Variants in MSANTD4 observed in about 807,000 individuals in gnomAD.
The protein encoded by MSANTD4 is Myb/SANT DNA binding domain containing 4 with coiled-coils.
In MSANTD4, 13 loss-of-function variants were observed where a neutral mutation model predicts 34.3. The observed-to-expected ratio is 0.38, with a 90% CI of 0.25 to 0.60. The LOEUF is 0.60. Among genes scored for constraint, MSANTD4 ranks in the 20% least tolerant of loss-of-function variants. The pLI is 0.63. For missense variants in MSANTD4, 358 were observed against 401.8 expected (o/e 0.89, Z 0.93); for synonymous variants, 137 against 145.2 (o/e 0.94, Z 0.41).
chr11:106,014,954 G>A (rs570824035), intron 1 of MSANTD4, among the ~76,000 whole-genome samples: 1 of 152,028 alleles, frequency 6.6e-6, no homozygotes, highest in East Asian at 1.9e-4. Flanking sequence ...CAAAAGAAAA[G>A]AAGACTGCAA....
intron 1 of MSANTD4, among the ~76,000 whole-genome samples, chr11:106,011,970 C>T (rs1245627254): frequency 6.6e-6 from 1 of 151,780 alleles, no homozygotes; most frequent in Admixed American, 6.6e-5. Context: ...GTTAATAAAC[C>T]AACACAGAAA....
intron 1 of MSANTD4, among the ~76,000 whole-genome samples, chr11:106,015,311 G>A (rs558314416): frequency 6.6e-6 from 1 of 152,234 alleles, no homozygotes; most frequent in Non-Finnish European, 1.5e-5. Flanking sequence ...AATTTTATTT[G>A]TAAAATGATA....
chr11:106,018,446 C>CA (rs976516302), intron 1 of MSANTD4, among the ~76,000 whole-genome samples: 1 of 152,122 alleles, frequency 6.6e-6, no homozygotes, highest in Non-Finnish European at 1.5e-5. Flanking sequence ...CCAATTAAAA[C>CA]AATCTTTGGA....
In MSANTD4 at chr11:106,007,912, T is replaced by C. The variant is rs989712678; in HGVS notation, c.*1623A>G. On this transcript the variant is annotated 3_prime_UTR_variant, in exon 3 of 3. Coordinates refer to ENST00000301919, the MANE Select transcript of MSANTD4 (RefSeq NM_032424.3). The stretch of plus-strand genomic sequence containing the variant: ...TGAAATTACAAATTCTCAGATAGTA[T>C]AGGCAAATTTATTTCTATGGTAGAA... 3 of 152,656 alleles carry C rather than the reference T, an allele frequency of 2.0e-5. No individual in the cohort carries two copies. The highest frequency in any genetic ancestry group is 1.9e-4 in the East Asian group (1 of 5,198). 9.5% of individuals were successfully genotyped at this position (152,656 alleles called of 1,614,324 possible). A position where few individuals can be genotyped will look rare whatever the true frequency, so the allele number is the denominator to read the frequency against.
intron 1 of MSANTD4, among the ~76,000 whole-genome samples, chr11:106,020,263 G>T (rs1859988335): frequency 6.6e-6 from 1 of 152,164 alleles, no homozygotes; most frequent in African/African-American, 2.4e-5. Flanking sequence ...ATAAAAGAAA[G>T]AAGTATCAGG....
chr11:106,015,659 A>G (rs931575190), intron 1 of MSANTD4, among the ~76,000 whole-genome samples: 1 of 151,962 alleles, frequency 6.6e-6, no homozygotes, highest in African/African-American at 2.4e-5. Flanking sequence ...GGAGCTAAAA[A>G]TTGGCCAAGA....
At position 106,010,204 on chromosome 11, in the gene MSANTD4, G is replaced by GA. The variant is rs1373243479; in HGVS notation, c.463-95dup. On this transcript the variant is annotated intron_variant, in intron 2 of 2. Coordinates refer to ENST00000301919, the MANE Select transcript of MSANTD4 (RefSeq NM_032424.3). ...TTAAAAGCTTTCTGCGTCGTTTGGG[G>GA]AAAAATACTTAATTTGAATTTTGAA... 4.2e-5 allele frequency: 54 copies of GA among 1,282,512 alleles called. 1 individual carries two copies. In the African/African-American group the frequency reaches 6.4e-4, roughly 15 times the overall value. 79.4% of individuals were successfully genotyped at this position (1,282,512 alleles called of 1,614,324 possible). A position where few individuals can be genotyped will look rare whatever the true frequency, so the allele number is the denominator to read the frequency against.
In MSANTD4 at chr11:106,008,976, C is replaced by T. The variant is rs1053990969; in HGVS notation, c.*559G>A. On this transcript the variant is annotated 3_prime_UTR_variant, in exon 3 of 3. Transcript: ENST00000301919. ...TTTTGGCCATTTAAGTACCTACCCACATAAATATCTGAGGTTTTAATATTC... is the reference window on the plus strand; with the variant it reads ...TTTTGGCCATTTAAGTACCTACCCATATAAATATCTGAGGTTTTAATATTC... The T allele has an allele frequency of 2.0e-5, 3 of 152,254 alleles. No individual in the cohort carries two copies. The highest frequency in any genetic ancestry group is 4.8e-5 in the African/African-American group (2 of 41,442). The allele number at this position is 152,254 out of a possible 1,614,324, so 9.4% of individuals were successfully genotyped here.
Position 106,009,662 on chromosome 11 carries a change from C to A in MSANTD4, c.911G>T (p.Arg304Leu). ...CAGCCTATCCTTTTCCAGTTGCAAG[C>A]GTTCTCGCTCAAGTTTTAACTTCTC... ...ETEKLKLERE[R>L]LQLEKDRLQF... The change falls in exon 3 of 3, where the codon CGC becomes CTC. Residue 304 changes from arginine (R) to leucine (L), a missense_variant. Arg to Leu is a moderately radical substitution (Grantham distance 102). This residue lies in a region of MSANTD4 where 312 missense variants were observed against 317.6 expected (regional missense o/e 0.98). Coordinates refer to ENST00000301919, the MANE Select transcript of MSANTD4 (RefSeq NM_032424.3). 6.2e-7 allele frequency: 1 copy of A among 1,614,198 alleles called. No individual in the cohort carries two copies. Among genetic ancestry groups the A allele is most frequent in the Non-Finnish European group, 8.5e-7 (1 of 1,180,044 alleles).
Position 106,010,676 on chromosome 11 carries a change from T to C in MSANTD4, c.242A>G (p.Lys81Arg), listed in dbSNP as rs763206315. 3 of 1,614,056 alleles carry C rather than the reference T, an allele frequency of 1.9e-6. No individual in the cohort carries two copies. Among genetic ancestry groups the C allele is most frequent in the Admixed American group, 3.3e-5 (2 of 60,004 alleles). ...AATGTTGGCCTTCATCCTCTTTCTC[T>C]TCATAAGTGCTCGCCAGTCAAGGTA... ...RRYLDWRALM[K>R]RKRMKANIKL... The change falls in exon 2 of 3, where the codon AAG becomes AGG. Residue 81 changes from lysine (K) to arginine (R), a missense_variant. Around this residue, in one of 2 missense-constraint regions of MSANTD4, gnomAD observed 312 missense variants for 317.6 expected, o/e 0.98. Transcript: ENST00000301919.
chr11:106,010,197 G>C, intron 2 of MSANTD4, 87 bp from the exon 3 acceptor site: 1 of 1,323,834 alleles, frequency 7.6e-7, no homozygotes, highest in Non-Finnish European at 1.0e-6. Flanking sequence ...TTTCTGCGTC[G>C]TTTGGGGAAA....
chr11:106,018,020 G>A (rs1180341968), intron 1 of MSANTD4, among the ~76,000 whole-genome samples: 2 of 151,990 alleles, frequency 1.3e-5, no homozygotes, highest in Non-Finnish European at 2.9e-5. Context: ...TCCTCGGACC[G>A]CATCTTGAGT....
Position 106,009,827 on chromosome 11 carries a change from C to T in MSANTD4, c.746G>A (p.Arg249Gln), listed in dbSNP as rs749665909. The change falls in exon 3 of 3, where the codon CGG (arginine) becomes CAG (glutamine). Residue 249 changes from arginine to glutamine, a missense_variant. This residue lies in a region of MSANTD4 where 312 missense variants were observed against 317.6 expected (regional missense o/e 0.98). Coordinates refer to ENST00000301919, the MANE Select transcript of MSANTD4 (RefSeq NM_032424.3). ...RLRHLDMEHERLQLEKERLQI... is the reference protein window; with the variant it reads ...RLRHLDMEHEQLQLEKERLQI... ...CAGCCGCTCCTTCTCTAGCTGAAGC[C>T]GCTCATGTTCCATGTCTAAATGCCG... 18 of 1,614,126 alleles carry T rather than the reference C, an allele frequency of 1.1e-5. No individual in the cohort carries two copies. The highest frequency in any genetic ancestry group is 4.0e-5 in the African/African-American group (3 of 75,020).
chr11:106,014,983 A>G (rs1859804856), intron 1 of MSANTD4, among the ~76,000 whole-genome samples: 1 of 152,258 alleles, frequency 6.6e-6, no homozygotes. Flanking sequence ...TTTCTAAAGT[A>G]GACTTATAGA....
At chr11:106,015,563 G>A (rs1859821144) in intron 1 of MSANTD4, among the ~76,000 whole-genome samples, 1 of 152,202 alleles carries the variant, frequency 6.6e-6, no homozygotes, top group South Asian at 2.1e-4. Flanking sequence ...CTTACATTAG[G>A]AGTGTGGTGG....
rs545413343 is a variant in MSANTD4, at chr11:106,010,412, C to G, written c.462+44G>C. 1.1e-5 allele frequency: 17 copies of G among 1,538,202 alleles called. No homozygotes were observed. The South Asian group carries it at 2.1e-4, about 19-fold the overall frequency. ...GTTCCTGAACAATAATCTCCCACAT[C>G]AGAATTGAAAAGATTAAAAGAGGGT... On this transcript the variant is annotated intron_variant, in intron 2 of 2. Coordinates refer to ENST00000301919, the MANE Select transcript of MSANTD4 (RefSeq NM_032424.3).
intron 1 of MSANTD4, among the ~76,000 whole-genome samples, chr11:106,011,796 T>C (rs1285665936): frequency 1.3e-5 from 2 of 152,160 alleles, no homozygotes; most frequent in African/African-American, 4.8e-5. Flanking sequence ...GTTTGAGATA[T>C]CTAAAAGAAA....
rs1859576648 is a variant in MSANTD4, at chr11:106,007,931, G to A, written c.*1604C>T. The A allele has an allele frequency of 1.3e-5, 2 of 152,536 alleles. No individual in the cohort carries two copies. The highest frequency in any genetic ancestry group is 6.6e-5 in the Admixed American group (1 of 15,258). The allele number at this position is 152,536 out of a possible 1,614,324, so 9.4% of individuals were successfully genotyped here. On this transcript the variant is annotated 3_prime_UTR_variant, in exon 3 of 3. Coordinates refer to ENST00000301919, the MANE Select transcript of MSANTD4 (RefSeq NM_032424.3). The stretch of plus-strand genomic sequence containing the variant: ...ATAGTATAGGCAAATTTATTTCTAT[G>A]GTAGAAGCATTTATTTCAGATATAG...
rs142938123 is a variant in MSANTD4 at position 106,011,233 on chromosome 11, C to T, written c.-150-166G>A. On this transcript the variant is annotated intron_variant, in intron 1 of 2. Coordinates refer to ENST00000301919, the MANE Select transcript of MSANTD4 (RefSeq NM_032424.3). ...CCAGTACTAACATAGTCCAAATTGC[C>T]GTTTTCTCCCCACTGGTGTGCTGCA... Among the ~76,000 whole-genome samples, 296 of 152,228 alleles carry T rather than the reference C, an allele frequency of 1.9e-3. 2 individuals are homozygous for T. The highest frequency in any genetic ancestry group is 3.5e-3 in the Non-Finnish European group (237 of 68,018).
Sources: allele counts gnomAD v4.1 joint callset (sites outside exome capture counted in the v4.1 genomes callset), GRCh38; gene constraint gnomAD v4.1.1; regional missense constraint gnomAD v4.1.1; transcripts MANE v1.5; gene names NCBI Gene and HGNC (gene_info 2026-07-23, HGNC 2026-07-21).